The following PTCHD1 variants were observed in gnomAD, a reference collection of about 807,000 sequenced individuals.
PTCHD1 encodes patched domain containing 1.
A neutral mutation model predicts 34.6 loss-of-function variants in PTCHD1; 3 were observed. The ratio of observed to expected loss-of-function variants is 0.09; its 90% confidence interval spans 0.04 to 0.22. The LOEUF is 0.22. PTCHD1 is among the 10% of genes least tolerant of loss of function. The pLI, the probability that PTCHD1 is intolerant of heterozygous loss-of-function variation, is 1.00. For missense variants in PTCHD1, 504 were observed against 685.5 expected (o/e 0.74, Z 2.96); for synonymous variants, 305 against 283.1 (o/e 1.08, Z -0.77).
Position 23,376,105 on chromosome X carries a change from G to A in PTCHD1, c.352-3486G>A, listed in dbSNP as rs780812090. ...CTGCATCTCATGAGATTTTTTCCACGCGCGAGTGCAAGCACGCTAAATTCA... is the reference window on the plus strand; with the variant it reads ...CTGCATCTCATGAGATTTTTTCCACACGCGAGTGCAAGCACGCTAAATTCA... On this transcript the variant is annotated intron_variant, in intron 1 of 2. Transcript: ENST00000379361. Among the ~76,000 whole-genome samples, 4 of 111,905 alleles carry A rather than the reference G, an allele frequency of 3.6e-5. No individual in the cohort carries two copies. The South Asian group carries it at 1.1e-3, about 32-fold the overall frequency.
At chrX:23,373,513 T>A (rs781003258) in intron 1 of PTCHD1, among the ~76,000 whole-genome samples, 4 of 112,812 alleles carry the variant, frequency 3.5e-5, no homozygotes, top group Non-Finnish European at 7.5e-5. Flanking sequence ...GGATGATATT[T>A]CTGTTCACTT....
intron 1 of PTCHD1, among the ~76,000 whole-genome samples, chrX:23,368,890 C>G (rs1169420345): frequency 1.8e-5 from 2 of 110,296 alleles, no homozygotes; most frequent in East Asian, 5.7e-4. Context: ...TGGTGAAACC[C>G]CATCTCTACT....
intron 1 of PTCHD1, among the ~76,000 whole-genome samples, chrX:23,344,519 C>T (rs776698344): frequency 1.8e-5 from 2 of 112,142 alleles, no homozygotes; most frequent in Non-Finnish European, 3.8e-5. Context: ...AATGGGTGCT[C>T]AAGCTACATT....
Position 23,397,827 on chromosome X carries a change from G to A in PTCHD1, c.*3642G>A. On this transcript the variant is annotated 3_prime_UTR_variant, in exon 3 of 3. Coordinates refer to ENST00000379361, the MANE Select transcript of PTCHD1 (RefSeq NM_173495.3). ...AAAAGGTGGAATGGGCAGCTGTCTTGGGGGTGTGGCAAGAGGCAGAACCTC... is the reference window on the plus strand; with the variant it reads ...AAAAGGTGGAATGGGCAGCTGTCTTAGGGGTGTGGCAAGAGGCAGAACCTC... 9.0e-6 allele frequency: 1 copy of A among 111,452 alleles called. No individual in the cohort carries two copies. The highest frequency in any genetic ancestry group is 2.8e-4 in the East Asian group (1 of 3,531). The allele number at this position is 111,452 out of a possible 1,213,427, so 9.2% of individuals were successfully genotyped here. A position where few individuals can be genotyped will look rare whatever the true frequency, so the allele number is the denominator to read the frequency against.
intron 1 of PTCHD1, among the ~76,000 whole-genome samples, chrX:23,344,926 C>T (rs959698812): frequency 1.8e-5 from 2 of 112,026 alleles, no homozygotes; most frequent in African/African-American, 6.5e-5. Flanking sequence ...ACTGAATTTA[C>T]ATGACTACAG....
At chrX:23,342,284 ATATATATATATATATATATATATATATTT>A (rs1266182209) in intron 1 of PTCHD1, among the ~76,000 whole-genome samples, 5 of 5,329 alleles carry the variant, frequency 9.4e-4, no homozygotes, top group Admixed American at 8.7e-3. Flanking sequence ...ATATATATAT[ATATATATATATATATATATATATATATTT>A]TTTTTTTTTT....
At chrX:23,361,138 G>C (rs1435599351) in intron 1 of PTCHD1, among the ~76,000 whole-genome samples, 1 of 111,732 alleles carries the variant, frequency 8.9e-6, no homozygotes, top group East Asian at 2.8e-4. Context: ...GATTTGGGGT[G>C]GAGAGTTCTG....
chrX:23,381,421 C>T (rs754333169), intron 2 of PTCHD1, among the ~76,000 whole-genome samples: 24 of 112,622 alleles, frequency 2.1e-4, no homozygotes, highest in Admixed American at 4.7e-4. Context: ...ATTAAAATGT[C>T]ATTTGGAATC....
In PTCHD1 at chrX:23,399,949, G is replaced by T; in HGVS notation, c.*5764G>T. ...AGAAGTGTGCCCTGTCAAAGAACCA[G>T]GAAGAGCAGCCTATTTCCAGGTTAT... is the stretch of plus-strand genomic sequence containing the variant. On this transcript the variant is annotated 3_prime_UTR_variant, in exon 3 of 3. Transcript: ENST00000379361. 8.8e-6 allele frequency: 1 copy of T among 113,572 alleles called. No homozygotes were observed. The highest frequency in any genetic ancestry group is 1.9e-5 in the Non-Finnish European group (1 of 53,423). 9.4% of individuals were successfully genotyped at this position (113,572 alleles called of 1,213,427 possible). A position where few individuals can be genotyped will look rare whatever the true frequency, so the allele number is the denominator to read the frequency against.
intron 1 of PTCHD1, among the ~76,000 whole-genome samples, chrX:23,341,195 A>C: frequency 8.9e-6 from 1 of 111,809 alleles, no homozygotes; most frequent in Non-Finnish European, 1.9e-5. Context: ...CACCTTTGTA[A>C]TGACTCATGG....
intron 1 of PTCHD1, among the ~76,000 whole-genome samples, chrX:23,365,223 A>G (rs891575799): frequency 8.9e-6 from 1 of 111,890 alleles, no homozygotes; most frequent in Non-Finnish European, 1.9e-5. Flanking sequence ...CAAAAGATTG[A>G]GTATGAAGAG....
chrX:23,403,655 A>G lies in PTCHD1; in HGVS notation c.*9470A>G, dbSNP rs770922826. On this transcript the variant is annotated 3_prime_UTR_variant, in exon 3 of 3. Coordinates refer to ENST00000379361, the MANE Select transcript of PTCHD1 (RefSeq NM_173495.3). ...AGCAAGGCCCTTCTGAACATTAACA[A>G]GCCTAGATGTTTCTACTGCTTATTT... The G allele has an allele frequency of 7.2e-5, 8 of 111,418 alleles. No homozygotes were observed. The East Asian group carries it at 2.2e-3, about 31-fold the overall frequency. The allele number at this position is 111,418 out of a possible 1,213,427, so 9.2% of individuals were successfully genotyped here. A position where few individuals can be genotyped will look rare whatever the true frequency, so the allele number is the denominator to read the frequency against.
chrX:23,360,225 C>A (rs1921935764), intron 1 of PTCHD1, among the ~76,000 whole-genome samples: 1 of 111,729 alleles, frequency 9.0e-6, no homozygotes, highest in Admixed American at 9.5e-5. Context: ...AGGAATGGTA[C>A]CAGCTCTTCT....
chrX:23,337,487 T>A (rs1273448053), intron 1 of PTCHD1, among the ~76,000 whole-genome samples: 1 of 111,642 alleles, frequency 9.0e-6, no homozygotes, highest in African/African-American at 3.3e-5. Context: ...CCTTCATTAG[T>A]CATGGTAATG....
chrX:23,394,307 A>G lies in PTCHD1; in HGVS notation c.*122A>G, dbSNP rs1278533584. Reference sequence around the variant, plus strand: ...AGATAGGAAACAGGCATTGCCAAAAAAAAAAAAAAAAAAAAAAGGAAAGGA... The same window carrying G: ...AGATAGGAAACAGGCATTGCCAAAAGAAAAAAAAAAAAAAAAAGGAAAGGA... On this transcript the variant is annotated 3_prime_UTR_variant, in exon 3 of 3. Coordinates refer to ENST00000379361, the MANE Select transcript of PTCHD1 (RefSeq NM_173495.3). 2.2e-6 allele frequency: 1 copy of G among 454,494 alleles called. No homozygotes were observed. Among genetic ancestry groups the G allele is most frequent in the African/African-American group, 2.6e-5 (1 of 38,712 alleles). The allele number at this position is 454,494 out of a possible 1,213,427, so 37.5% of individuals were successfully genotyped here. A position where few individuals can be genotyped will look rare whatever the true frequency, so the allele number is the denominator to read the frequency against.
chrX:23,375,344 C>G (rs766879007), intron 1 of PTCHD1, among the ~76,000 whole-genome samples: 1 of 100,045 alleles, frequency 1.0e-5, no homozygotes. Flanking sequence ...GGCGGGAGTG[C>G]TGTGGCGCGA....
chrX:23,399,630 A>G lies in PTCHD1; in HGVS notation c.*5445A>G, dbSNP rs144896452. ...TTCAAAATATTGGTTTCTTCATCCC[A>G]AGCCAAGTGCCTACTTCTATTCATT... On this transcript the variant is annotated 3_prime_UTR_variant, in exon 3 of 3. Transcript: ENST00000379361. The G allele has an allele frequency of 5.3e-5, 6 of 112,373 alleles. No individual in the cohort carries two copies. In the East Asian group the frequency reaches 1.7e-3, roughly 31 times the overall value. The allele number at this position is 112,373 out of a possible 1,213,427, so 9.3% of individuals were successfully genotyped here.
Position 23,394,581 on chromosome X carries a change from T to A in PTCHD1, c.*396T>A. Reference sequence around the variant, plus strand: ...AAAACCCACTGATTGAAAGGTCAACTGCCAAGGCAGAAACACCTTTAAGCA... The same window carrying A: ...AAAACCCACTGATTGAAAGGTCAACAGCCAAGGCAGAAACACCTTTAAGCA... On this transcript the variant is annotated 3_prime_UTR_variant, in exon 3 of 3. Transcript: ENST00000379361. The A allele has an allele frequency of 6.8e-6, 1 of 148,054 alleles. No homozygotes were observed. The highest frequency in any genetic ancestry group is 1.8e-4 in the East Asian group (1 of 5,619). 12.2% of individuals were successfully genotyped at this position (148,054 alleles called of 1,213,427 possible).
chrX:23,336,294 T>C (rs1019174438), intron 1 of PTCHD1, among the ~76,000 whole-genome samples: 2 of 111,206 alleles, frequency 1.8e-5, no homozygotes, highest in African/African-American at 6.6e-5. Context: ...TGGGGCTTGT[T>C]TACTTAAGGT....
Sources: gnomAD v4.1 joint callset for allele counts (sites outside exome capture counted in the v4.1 genomes callset) on GRCh38, gnomAD v4.1.1 for gene constraint, MANE v1.5 for transcripts, NCBI Gene and HGNC (gene_info 2026-07-23, HGNC 2026-07-21) for gene names.